Variants in CGN observed in about 807,000 individuals in gnomAD.
CGN encodes cingulin.
A neutral mutation model predicts 157.1 loss-of-function variants in CGN; 121 were observed. That is an observed-to-expected ratio of 0.77 (90% CI 0.66 to 0.90). CGN has a LOEUF of 0.90. Ranked by LOEUF, CGN falls within the 40% of genes least tolerant of loss-of-function variation. CGN has a pLI of 0.00. For missense variants in CGN, 1,424 were observed against 1,520.9 expected (o/e 0.94, Z 1.06); for synonymous variants, 535 against 607.5 (o/e 0.88, Z 1.76).
intron 5 of CGN, among the ~76,000 whole-genome samples, chr1:151,521,537 T>C (rs1267858937): frequency 6.6e-6 from 1 of 152,190 alleles, no homozygotes; most frequent in Non-Finnish European, 1.5e-5. Context: ...TACCCAAAAC[T>C]CAATAGCTTT....
intron 1 of CGN, among the ~76,000 whole-genome samples, chr1:151,514,301 G>C (rs1664361464): frequency 2.0e-5 from 3 of 152,172 alleles, no homozygotes; most frequent in African/African-American, 7.2e-5. Flanking sequence ...CCTAGGCTGG[G>C]AACTCCTTGA....
chr1:151,532,505 G>A lies in CGN; in HGVS notation c.2675G>A (p.Arg892His), dbSNP rs377350872. Residue 892 changes from arginine to histidine, a missense_variant, in exon 14 of 21, where the codon CGC becomes CAC. By Grantham distance (29) the Arg-to-His change is conservative. Around this residue, in one of 3 missense-constraint regions of CGN, gnomAD observed 1,187 missense variants for 1,217.6 expected, o/e 0.97. Transcript: ENST00000271636. ...CGGCGGGAGGTGGCAGATGCCCAGC[G>A]CCAGGCCAAGGATTGGGCCAGTGAG... is the stretch of plus-strand genomic sequence containing the variant. ...KARREVADAQRQAKDWASEAE... is the reference protein window; with the variant it reads ...KARREVADAQHQAKDWASEAE... 8 of 1,609,074 alleles carry A rather than the reference G, an allele frequency of 5.0e-6. No individual in the cohort carries two copies. Among genetic ancestry groups the A allele is most frequent in the South Asian group, 1.1e-5 (1 of 90,366 alleles).
Position 151,520,249 on chromosome 1 carries a change from T to A in CGN, c.957T>A (p.Tyr319Ter). 6.2e-7 allele frequency: 1 copy of A among 1,613,834 alleles called. No homozygotes were observed. Among genetic ancestry groups the A allele is most frequent in the Non-Finnish European group, 8.5e-7 (1 of 1,179,906 alleles). ...GSVDHMKATI[Y>*]GILREGSSES... ...TGGACCATATGAAGGCCACCATCTA[T>A]GGCATCCTGAGGGAGGGGTGAGTGG... is the stretch of plus-strand genomic sequence containing the variant. Residue 319 changes from tyrosine to a stop codon, truncating the protein, a stop_gained, in exon 3 of 21, where the codon TAT becomes TAA. Coordinates refer to ENST00000271636, the MANE Select transcript of CGN (RefSeq NM_020770.3). LOFTEE classifies it high-confidence loss of function.
intron 14 of CGN, among the ~76,000 whole-genome samples, chr1:151,532,779 C>T (rs1472914689): frequency 1.3e-5 from 2 of 152,042 alleles, no homozygotes; most frequent in Non-Finnish European, 2.9e-5. Flanking sequence ...GCCACCACGC[C>T]TGGCTAATTT....
At position 151,536,343 on chromosome 1, in the gene CGN, C is replaced by T. The variant is rs1011719737; in HGVS notation, c.3304C>T (p.Gln1102Ter). ...GCAGCATGTCAATGACCAGAAAGACCAGGTGAGGACATGGCACCCTGGAGC... is the reference window on the plus strand; with the variant it reads ...GCAGCATGTCAATGACCAGAAAGACTAGGTGAGGACATGGCACCCTGGAGC... ...ERQHVNDQKD[Q>*]LSLRVKALKR... The change falls in exon 19 of 21, where the codon CAG becomes TAG. Residue 1102 changes from glutamine to a stop codon, truncating the protein, a stop_gained and splice_region_variant. Coordinates refer to ENST00000271636, the MANE Select transcript of CGN (RefSeq NM_020770.3). LOFTEE classifies it high-confidence loss of function. 1 of 1,570,322 alleles carries T rather than the reference C, an allele frequency of 6.4e-7. No individual in the cohort carries two copies. Among genetic ancestry groups the T allele is most frequent in the Non-Finnish European group, 8.8e-7 (1 of 1,140,260 alleles).
intron 2 of CGN, 107 bp downstream of exon 2, chr1:151,519,499 A>G: frequency 9.9e-7 from 1 of 1,005,126 alleles, no homozygotes; most frequent in Non-Finnish European, 1.4e-6. Flanking sequence ...TAGCCTAGGC[A>G]GAAACTCTCT....
chr1:151,524,849 C>A lies in CGN; in HGVS notation c.1577C>A (p.Thr526Lys), dbSNP rs755054463. ...GTCCGGCAGCAGTACCAGCGAGACACAGAGCAGCTCCGCAGGAGCATGCAA... is the reference window on the plus strand; with the variant it reads ...GTCCGGCAGCAGTACCAGCGAGACAAAGAGCAGCTCCGCAGGAGCATGCAA... ...EHVRQQYQRD[T>K]EQLRRSMQDA... The change falls in exon 8 of 21, where the codon ACA becomes AAA. Residue 526 changes from threonine to lysine, a missense_variant. Coordinates refer to ENST00000271636, the MANE Select transcript of CGN (RefSeq NM_020770.3). This position sits in a 1 kb window ranked among gnomAD's most constrained non-coding sequence, Gnocchi z 4.4. The A allele has an allele frequency of 7.4e-6, 12 of 1,611,874 alleles. No homozygotes were observed. Among genetic ancestry groups the A allele is most frequent in the Non-Finnish European group, 1.0e-5 (12 of 1,179,930 alleles).
intron 5 of CGN, among the ~76,000 whole-genome samples, chr1:151,522,081 C>T (rs540435621): frequency 1.3e-5 from 2 of 152,100 alleles, no homozygotes; most frequent in Non-Finnish European, 2.9e-5. Context: ...AGTTTGAGAC[C>T]AGCCTGGGCA....
chr1:151,533,007 G>A (rs2102502114), intron 14 of CGN, among the ~76,000 whole-genome samples: 1 of 152,138 alleles, frequency 6.6e-6, no homozygotes, highest in East Asian at 1.9e-4. Flanking sequence ...GGAATATATT[G>A]TCTGTAGAGC....
chr1:151,538,605 C>A lies in CGN; in HGVS notation c.*1259C>A, dbSNP rs1415026938. On this transcript the variant is annotated 3_prime_UTR_variant, in exon 21 of 21. Coordinates refer to ENST00000271636, the MANE Select transcript of CGN (RefSeq NM_020770.3). The stretch of plus-strand genomic sequence containing the variant: ...TCGTGATTAAAAAAATTCCTATATT[C>A]TTCTGCAAATCAAACGTTCTTTCCC... 6.6e-6 allele frequency: 1 copy of A among 152,188 alleles called. No individual in the cohort carries two copies. Among genetic ancestry groups the A allele is most frequent in the Non-Finnish European group, 1.5e-5 (1 of 68,022 alleles). The allele number at this position is 152,188 out of a possible 1,614,324, so 9.4% of individuals were successfully genotyped here.
chr1:151,533,793 A>G lies in CGN; in HGVS notation c.2743-182A>G, dbSNP rs989565809. 2.0e-5 allele frequency among the ~76,000 whole-genome samples: 3 copies of G among 152,196 alleles called. 1 individual carries two copies. Among genetic ancestry groups the G allele is most frequent in the Admixed American group, 2.0e-4 (3 of 15,282 alleles). ...TGGGCGACAGAGCGAGACTCCATCT[A>G]AAAAATGAAAAAAAAAGAAAATGGA... On this transcript the variant is annotated intron_variant, in intron 14 of 20. Transcript: ENST00000271636.
chr1:151,533,857 G>T, intron 14 of CGN, 118 bp from the exon 15 acceptor site: 1 of 872,724 alleles, frequency 1.1e-6, no homozygotes, highest in Non-Finnish European at 1.7e-6. Flanking sequence ...TCATGCCACT[G>T]GTAATTCTAA....
intron 8 of CGN, 72 bp from the exon 9 acceptor site, chr1:151,525,570 C>T: frequency 7.5e-7 from 1 of 1,325,592 alleles, no homozygotes; most frequent in Non-Finnish European, 1.0e-6. Flanking sequence ...TTTCCTTGTA[C>T]ACACTCACAC....
chr1:151,533,261 A>T (rs1664879312), intron 14 of CGN, among the ~76,000 whole-genome samples: 1 of 152,024 alleles, frequency 6.6e-6, no homozygotes, highest in African/African-American at 2.4e-5. Flanking sequence ...GCAGATCATG[A>T]GGTCAGGTGT....
chr1:151,528,365 T>TA (rs1664748524), intron 10 of CGN, among the ~76,000 whole-genome samples: 1 of 151,882 alleles, frequency 6.6e-6, no homozygotes. Context: ...TTTTTTTTTT[T>TA]ATGGAGTTAT....
intron 15 of CGN, chr1:151,534,671 C>G (rs1382644150): frequency 1.1e-5 from 3 of 270,686 alleles, no homozygotes; most frequent in Non-Finnish European, 1.4e-5. Flanking sequence ...TACTCTTAGC[C>G]TCTACGTGGT....
At chr1:151,535,507 G>T in intron 16 of CGN, 93 bp from the exon 17 acceptor site, 1 of 1,029,264 alleles carries the variant, frequency 9.7e-7, no homozygotes, top group East Asian at 2.4e-5. Flanking sequence ...AGGGTTCAGA[G>T]ACCATCCTCC....
Position 151,518,516 on chromosome 1 carries a change from A to G in CGN, c.-4A>G. The G allele has an allele frequency of 6.3e-7, 1 of 1,597,686 alleles. No individual in the cohort carries two copies. Among genetic ancestry groups the G allele is most frequent in the Non-Finnish European group, 8.6e-7 (1 of 1,168,350 alleles). On this transcript the variant is annotated 5_prime_UTR_variant, in exon 2 of 21. Transcript: ENST00000271636. ...TTCTTCATCTTCTAGGACTCCTCCT[A>G]TTTATGGAGCAGGCACCCAACATGG... is the stretch of plus-strand genomic sequence containing the variant.
At chr1:151,526,181 CTTTTT>C (rs10570307) in intron 9 of CGN, among the ~76,000 whole-genome samples, 1 of 139,014 alleles carries the variant, frequency 7.2e-6, no homozygotes, top group Non-Finnish European at 1.6e-5. Flanking sequence ...CCCCTTTCTC[CTTTTT>C]TTTTTTTTTT....
Sources: gnomAD v4.1 joint callset for allele counts (sites outside exome capture counted in the v4.1 genomes callset) on GRCh38, gnomAD v4.1.1 for gene constraint, gnomAD v4.1.1 regional missense constraint, Gnocchi (gnomAD v3.1) non-coding constraint, MANE v1.5 for transcripts, NCBI Gene and HGNC (gene_info 2026-07-23, HGNC 2026-07-21) for gene names.